Variants in SHISA3 observed in about 807,000 individuals in gnomAD.
The protein encoded by SHISA3 is protein shisa-3 homolog.
In SHISA3, 15 loss-of-function variants were observed where a neutral mutation model predicts 19.2. The observed-to-expected ratio is 0.78, with a 90% CI of 0.52 to 1.20. The LOEUF (loss-of-function observed/expected upper bound fraction) is 1.20, where lower values mean the gene tolerates loss of function less well. Ranked by LOEUF, SHISA3 falls within the 50% of genes most tolerant of loss-of-function variation. The pLI is 0.00. For missense variants in SHISA3, 327 were observed against 315.7 expected (o/e 1.04, Z -0.27); for synonymous variants, 145 against 135.2 (o/e 1.07, Z -0.50).
rs1363509409 is a variant in SHISA3 at position 42,398,009 on chromosome 4, G to C, written c.-48G>C. On this transcript the variant is annotated 5_prime_UTR_variant, in exon 1 of 2. Transcript: ENST00000319234. ...GCCCTGAGCCCGGGCTCAGCCCTTC[G>C]CTTTCCAGCTGCGTCCTGCTCCCGG... 27 of 1,469,874 alleles carry C rather than the reference G, an allele frequency of 1.8e-5. No individual in the cohort carries two copies. In the East Asian group the frequency reaches 6.7e-4, roughly 36 times the overall value. 91.1% of individuals were successfully genotyped at this position (1,469,874 alleles called of 1,614,324 possible).
Position 42,401,483 on chromosome 4 carries a change from A to G in SHISA3, c.*32A>G. On this transcript the variant is annotated 3_prime_UTR_variant, in exon 2 of 2. Coordinates refer to ENST00000319234, the MANE Select transcript of SHISA3 (RefSeq NM_001080505.3). ...CAGGCCATGAATCCACAACTCAGTC[A>G]GATGGCAGACAGGTGGAGCCCTGCT... The G allele has an allele frequency of 6.5e-7, 1 of 1,532,978 alleles. No individual in the cohort carries two copies. Among genetic ancestry groups the G allele is most frequent in the Non-Finnish European group, 8.8e-7 (1 of 1,142,048 alleles). The allele number at this position is 1,532,978 out of a possible 1,614,324, so 95.0% of individuals were successfully genotyped here.
intron 1 of SHISA3, 21 bp from the exon 2 acceptor site, chr4:42,400,991 A>T (rs745486686): frequency 6.2e-7 from 1 of 1,609,980 alleles, no homozygotes; most frequent in African/African-American, 1.3e-5. Context: ...GCATCTGTTT[A>T]TGTCTGTTTT....
intron 1 of SHISA3, 46 bp downstream of exon 1, chr4:42,398,379 G>A: frequency 1.3e-6 from 2 of 1,483,660 alleles, no homozygotes; most frequent in Non-Finnish European, 1.8e-6. Context: ...GCCTAACGGC[G>A]GCGGCTGCAT....
chr4:42,398,435 C>T, intron 1 of SHISA3, 102 bp downstream of exon 1: 1 of 1,302,124 alleles, frequency 7.7e-7, no homozygotes, highest in Non-Finnish European at 1.0e-6. Context: ...TATGCGCCTT[C>T]CTGGGTCTGT....
chr4:42,401,294 G>C lies in SHISA3; in HGVS notation c.560G>C (p.Cys187Ser). 1.9e-6 allele frequency: 3 copies of C among 1,614,112 alleles called. No individual in the cohort carries two copies. The highest frequency in any genetic ancestry group is 2.5e-6 in the Non-Finnish European group (3 of 1,180,008). The change falls in exon 2 of 2, where the codon TGC becomes TCC. Residue 187 changes from cysteine to serine, a missense_variant. Transcript: ENST00000319234. ...RFSFARAEPG[C>S]LVPSPPPPYT... Reference sequence around the variant, plus strand: ...TCCTTTGCCAGGGCTGAGCCGGGCTGCCTGGTGCCCTCACCGCCCCCGCCA... The same window carrying C: ...TCCTTTGCCAGGGCTGAGCCGGGCTCCCTGGTGCCCTCACCGCCCCCGCCA...
chr4:42,401,137 C>T lies in SHISA3; in HGVS notation c.403C>T (p.Arg135Cys), dbSNP rs761118083. Residue 135 changes from arginine to cysteine, a missense_variant, in exon 2 of 2, where the codon CGC (arginine) becomes TGC (cysteine). Coordinates refer to ENST00000319234, the MANE Select transcript of SHISA3 (RefSeq NM_001080505.3). ...RPKEPSQQPI[R>C]FSLRSYQTET... is the part of the protein sequence containing the mutation. ...CAAGGAGCCCTCGCAGCAGCCAATC[C>T]GCTTCTCACTCCGCAGCTATCAGAC... 1.9e-6 allele frequency: 3 copies of T among 1,614,208 alleles called. No individual in the cohort carries two copies. The highest frequency in any genetic ancestry group is 1.1e-5 in the South Asian group (1 of 91,078).
At chr4:42,400,882 T>C in intron 1 of SHISA3, 130 bp from the exon 2 acceptor site, 1 of 904,916 alleles carries the variant, frequency 1.1e-6, no homozygotes, top group Non-Finnish European at 1.7e-6. Flanking sequence ...TAACAAGCTC[T>C]GAAAAACTGA....
In SHISA3 at chr4:42,397,729, G is replaced by T. The variant is rs1372577553; in HGVS notation, c.-328G>T. On this transcript the variant is annotated 5_prime_UTR_variant, in exon 1 of 2. Transcript: ENST00000319234. ...GAGTGGGGAGGGAGGTGGCCGGGGG[G>T]TTGGCGCGCCCCTCGCGCGGGGAGC... The T allele has an allele frequency of 1.6e-5, 5 of 306,894 alleles. No individual in the cohort carries two copies. The highest frequency in any genetic ancestry group is 2.2e-5 in the African/African-American group (1 of 45,572). 19.0% of individuals were successfully genotyped at this position (306,894 alleles called of 1,614,324 possible). A position where few individuals can be genotyped will look rare whatever the true frequency, so the allele number is the denominator to read the frequency against.
chr4:42,398,258 G>T lies in SHISA3; in HGVS notation c.202G>T (p.Ala68Ser). 1 of 1,570,296 alleles carries T rather than the reference G, an allele frequency of 6.4e-7. No individual in the cohort carries two copies. The highest frequency in any genetic ancestry group is 1.2e-5 in the South Asian group (1 of 85,722). ...GSCALRYCCA[A>S]ADARLEQGGC... ...CTGCGCGCTCCGCTACTGTTGCGCC[G>T]CGGCCGACGCCAGGCTGGAGCAGGG... Residue 68 changes from alanine to serine, a missense_variant, in exon 1 of 2, where the codon GCG becomes TCG. Ala to Ser is a moderately conservative substitution (Grantham distance 99). Coordinates refer to ENST00000319234, the MANE Select transcript of SHISA3 (RefSeq NM_001080505.3).
Position 42,398,085 on chromosome 4 carries a change from T to C in SHISA3, c.29T>C (p.Leu10Pro), listed in dbSNP as rs750043331. The C allele has an allele frequency of 1.1e-5, 18 of 1,602,508 alleles. No individual in the cohort carries two copies. Among genetic ancestry groups the C allele is most frequent in the Non-Finnish European group, 1.5e-5 (18 of 1,175,216 alleles). Residue 10 changes from leucine (L) to proline (P), a missense_variant, in exon 1 of 2, where the codon CTC (leucine) becomes CCC (proline). Transcript: ENST00000319234. MRALLALCL[L>P]LGWLRWGPAG... ...AGGGCACTGCTGGCGCTTTGCCTTC[T>C]CCTTGGCTGGCTGCGCTGGGGCCCG...
In SHISA3 at chr4:42,398,275, G is replaced by A. The variant is rs772091679; in HGVS notation, c.219G>A (p.Leu73=). ...GTTGCGCCGCGGCCGACGCCAGGCT[G>A]GAGCAGGGCGGCTGCACCAACGACC... ...RYCCAAADAR[L]EQGGCTNDRR... Residue 73 remains leucine, a synonymous_variant, in exon 1 of 2, where the codon CTG becomes CTA. Coordinates refer to ENST00000319234, the MANE Select transcript of SHISA3 (RefSeq NM_001080505.3). 6.4e-7 allele frequency: 1 copy of A among 1,566,182 alleles called. No homozygotes were observed. Among genetic ancestry groups the A allele is most frequent in the South Asian group, 1.2e-5 (1 of 85,414 alleles).
chr4:42,401,730 T>G lies in SHISA3; in HGVS notation c.*279T>G, dbSNP rs1336985910. 3 of 365,710 alleles carry G rather than the reference T, an allele frequency of 8.2e-6. No homozygotes were observed. The highest frequency in any genetic ancestry group is 9.8e-6 in the Non-Finnish European group (2 of 204,394). The allele number at this position is 365,710 out of a possible 1,614,324, so 22.7% of individuals were successfully genotyped here. On this transcript the variant is annotated 3_prime_UTR_variant, in exon 2 of 2. Coordinates refer to ENST00000319234, the MANE Select transcript of SHISA3 (RefSeq NM_001080505.3). The stretch of plus-strand genomic sequence containing the variant: ...ATATGCAGCAGTTTGACTTTAAAGT[T>G]GCAAACTGGCTAAAAACGTTTTACT...
At position 42,398,127 on chromosome 4, in the gene SHISA3, C is replaced by G. The variant is rs773465460; in HGVS notation, c.71C>G (p.Ser24Cys). ...TGGGGCCCGGCGGGCGCCCAGCAGT[C>G]CGGAGAGTACTGCCACGGCTGGGTG... ...LRWGPAGAQQ[S>C]GEYCHGWVDV... The change falls in exon 1 of 2, where the codon TCC (serine) becomes TGC (cysteine). Residue 24 changes from serine to cysteine, a missense_variant. Physicochemically the swap from Ser to Cys is moderately radical, Grantham distance 112. Transcript: ENST00000319234. The G allele has an allele frequency of 2.6e-5, 41 of 1,603,384 alleles. No individual in the cohort carries two copies. The highest frequency in any genetic ancestry group is 3.4e-5 in the Non-Finnish European group (40 of 1,175,940).
chr4:42,398,365 G>A, intron 1 of SHISA3, 32 bp downstream of exon 1: 2 of 1,498,554 alleles, frequency 1.3e-6, no homozygotes, highest in Non-Finnish European at 1.8e-6. Flanking sequence ...ACATATCCCC[G>A]CCCGCCTAAC....
At chr4:42,400,424 A>G (rs1711874510) in intron 1 of SHISA3, among the ~76,000 whole-genome samples, 1 of 152,138 alleles carries the variant, frequency 6.6e-6, no homozygotes, top group African/African-American at 2.4e-5. Context: ...CAGAGCTGGC[A>G]ATTTGTGGTG....
rs757504301 is a variant in SHISA3, at chr4:42,398,234, T to C, written c.178T>C (p.Cys60Arg). 3.8e-6 allele frequency: 6 copies of C among 1,585,418 alleles called. No individual in the cohort carries two copies. Among genetic ancestry groups the C allele is most frequent in the Non-Finnish European group, 5.1e-6 (6 of 1,166,336 alleles). ...TLDATICCGS[C>R]ALRYCCAAAD... ...GGACGCTACCATCTGCTGCGGCTCC[T>C]GCGCGCTCCGCTACTGTTGCGCCGC... Residue 60 changes from cysteine (C) to arginine (R), a missense_variant, in exon 1 of 2, where the codon TGC (cysteine) becomes CGC (arginine). By Grantham distance (180) the Cys-to-Arg change is radical. Coordinates refer to ENST00000319234, the MANE Select transcript of SHISA3 (RefSeq NM_001080505.3).
rs564057936 is a variant in SHISA3 at position 42,398,151 on chromosome 4, T to A, written c.95T>A (p.Val32Glu). ...QQSGEYCHGW[V>E]DVQGNYHEGF... ...TCCGGAGAGTACTGCCACGGCTGGG[T>A]GGACGTGCAGGGCAACTACCACGAG... Residue 32 changes from valine (V) to glutamate (E), a missense_variant, in exon 1 of 2, where the codon GTG becomes GAG. Transcript: ENST00000319234. 3 of 1,603,662 alleles carry A rather than the reference T, an allele frequency of 1.9e-6. No homozygotes were observed. The East Asian group carries it at 6.8e-5, about 36-fold the overall frequency.
rs1711940316 is a variant in SHISA3, at chr4:42,402,103, T to C, written c.*652T>C. 1 of 152,228 alleles carries C rather than the reference T, an allele frequency of 6.6e-6. No individual in the cohort carries two copies. Among genetic ancestry groups the C allele is most frequent in the Non-Finnish European group, 1.5e-5 (1 of 68,040 alleles). 9.4% of individuals were successfully genotyped at this position (152,228 alleles called of 1,614,324 possible). A position where few individuals can be genotyped will look rare whatever the true frequency, so the allele number is the denominator to read the frequency against. ...TTTTAAATATATACTCAGACATTCA[T>C]TGTAACACAGAGTGTATGTAAAATC... On this transcript the variant is annotated 3_prime_UTR_variant, in exon 2 of 2. Coordinates refer to ENST00000319234, the MANE Select transcript of SHISA3 (RefSeq NM_001080505.3).
At chr4:42,400,875 C>T in intron 1 of SHISA3, 137 bp from the exon 2 acceptor site, 1 of 829,340 alleles carries the variant, frequency 1.2e-6, no homozygotes, top group Admixed American at 2.4e-5. Flanking sequence ...TTACCATTAA[C>T]AAGCTCTGAA....
Sources: gnomAD v4.1 joint callset for allele counts (sites outside exome capture counted in the v4.1 genomes callset) on GRCh38, gnomAD v4.1.1 for gene constraint, MANE v1.5 for transcripts, NCBI Gene and HGNC (gene_info 2026-07-23, HGNC 2026-07-21) for gene names.